SPAG16: variants seen among roughly 807,000 people sequenced by gnomAD.
SPAG16 encodes the protein sperm-associated antigen 16 protein.
A neutral mutation model predicts 80.4 loss-of-function variants in SPAG16; 86 were observed. The observed-to-expected ratio is 1.07, with a 90% confidence interval of 0.90 to 1.28. The LOEUF (loss-of-function observed/expected upper bound fraction) is 1.28, where lower values mean the gene tolerates loss of function less well. Ranked by LOEUF, SPAG16 falls within the 50% of genes most tolerant of loss-of-function variation. The pLI, the probability that SPAG16 is intolerant of heterozygous loss-of-function variation, is 0.00. For synonymous variants in SPAG16, 294 were observed against 265.9 expected (o/e 1.11, Z -1.03); for missense variants, 870 against 765.3 (o/e 1.14, Z -1.61).
chr2:214,249,760 A>G (rs1472774488), intron 15 of SPAG16, among the ~76,000 whole-genome samples: 2 of 152,128 alleles, frequency 1.3e-5, no homozygotes, highest in Admixed American at 1.3e-4. Flanking sequence ...AAAGATTTAA[A>G]TTTTTAAAAT....
At chr2:213,441,601 C>T (rs950515377) in intron 9 of SPAG16, among the ~76,000 whole-genome samples, 1 of 152,146 alleles carries the variant, frequency 6.6e-6, no homozygotes, top group Non-Finnish European at 1.5e-5. Flanking sequence ...AATTGAGCTG[C>T]ACACATAGAT....
At chr2:214,114,220 C>T (rs912885240) in intron 14 of SPAG16, among the ~76,000 whole-genome samples, 10 of 152,118 alleles carry the variant, frequency 6.6e-5, no homozygotes, top group Non-Finnish European at 1.0e-4. Flanking sequence ...GAGGGGCACC[C>T]GCCTGTATGA....
intron 15 of SPAG16, among the ~76,000 whole-genome samples, chr2:214,354,594 T>A (rs1281850239): frequency 2.0e-5 from 3 of 152,314 alleles, no homozygotes; most frequent in Admixed American, 2.0e-4. Context: ...TTGAGCAGTA[T>A]GGCCATTTTC....
intron 10 of SPAG16, among the ~76,000 whole-genome samples, chr2:213,623,594 T>A (rs896010041): frequency 6.6e-6 from 1 of 152,182 alleles, no homozygotes; most frequent in South Asian, 2.1e-4. Context: ...TAATGGATGA[T>A]GTGCATTGAT....
At chr2:214,159,445 T>C (rs2056349712) in intron 15 of SPAG16, among the ~76,000 whole-genome samples, 2 of 151,936 alleles carry the variant, frequency 1.3e-5, no homozygotes, top group African/African-American at 4.8e-5. Context: ...GATAATCATC[T>C]TTAGTCTGCC....
intron 10 of SPAG16, among the ~76,000 whole-genome samples, chr2:213,581,210 A>G (rs1456479455): frequency 1.3e-5 from 2 of 151,916 alleles, no homozygotes; most frequent in African/African-American, 4.8e-5. Context: ...AGGTACTGGC[A>G]ACCTTTTATA....
At chr2:214,332,323 A>G (rs1186191164) in intron 15 of SPAG16, among the ~76,000 whole-genome samples, 2 of 152,174 alleles carry the variant, frequency 1.3e-5, no homozygotes, top group Non-Finnish European at 2.9e-5. Context: ...ATTTTTCTGT[A>G]TCAGTGACCC....
chr2:213,340,030 G>T (rs866723724), intron 5 of SPAG16, 133 bp from the exon 6 acceptor site: 2 of 625,984 alleles, frequency 3.2e-6, no homozygotes, highest in Non-Finnish European at 2.8e-6. Context: ...GAGAATCTTC[G>T]ATGAGAATTA....
intron 13 of SPAG16, among the ~76,000 whole-genome samples, chr2:214,094,687 A>G (rs1052047245): frequency 6.6e-6 from 1 of 152,100 alleles, no homozygotes; most frequent in Non-Finnish European, 1.5e-5. Flanking sequence ...TTTTGGAATT[A>G]TTATGGACTA....
chr2:213,656,213 T>C (rs2063216252), intron 10 of SPAG16, among the ~76,000 whole-genome samples: 1 of 152,258 alleles, frequency 6.6e-6, no homozygotes, highest in African/African-American at 2.4e-5. Flanking sequence ...TTTTTGTTTT[T>C]GGGACGGAGT....
chr2:213,979,236 C>T (rs1191424525), intron 12 of SPAG16, among the ~76,000 whole-genome samples: 1 of 151,534 alleles, frequency 6.6e-6, no homozygotes. Flanking sequence ...TTAGTCATGT[C>T]TCTCTTTTTA....
At chr2:214,201,868 C>T (rs2058018777) in intron 15 of SPAG16, among the ~76,000 whole-genome samples, 1 of 151,186 alleles carries the variant, frequency 6.6e-6, no homozygotes, top group Admixed American at 6.6e-5. Context: ...ATTTTTTAGA[C>T]AGGGTCTTGC....
chr2:214,316,056 C>A (rs758631650), intron 15 of SPAG16, among the ~76,000 whole-genome samples: 2 of 151,724 alleles, frequency 1.3e-5, no homozygotes, highest in Non-Finnish European at 2.9e-5. Flanking sequence ...ATTTTTCAGT[C>A]TTCTGTATAA....
chr2:213,845,417 C>G (rs1238777585), intron 10 of SPAG16, among the ~76,000 whole-genome samples: 5 of 151,990 alleles, frequency 3.3e-5, no homozygotes, highest in Non-Finnish European at 7.4e-5. Flanking sequence ...AGGATCGTCT[C>G]GGTATCTTGA....
chr2:213,703,113 G>T (rs1012239748), intron 10 of SPAG16, among the ~76,000 whole-genome samples: 10 of 152,174 alleles, frequency 6.6e-5, no homozygotes, highest in African/African-American at 2.2e-4. Flanking sequence ...TCCCTCTCCT[G>T]TGATAATAGA....
At chr2:213,360,743 G>T (rs2065934794) in intron 7 of SPAG16, among the ~76,000 whole-genome samples, 1 of 152,166 alleles carries the variant, frequency 6.6e-6, no homozygotes, top group Non-Finnish European at 1.5e-5. Flanking sequence ...CAAAGTATGT[G>T]TACAGAGAAA....
intron 15 of SPAG16, among the ~76,000 whole-genome samples, chr2:214,245,247 A>C (rs1174667817): frequency 6.6e-6 from 1 of 152,118 alleles, no homozygotes; most frequent in African/African-American, 2.4e-5. Context: ...TGCTTTTAAT[A>C]TCCACGCTAT....
At chr2:213,369,735 TA>T (rs1276210993) in intron 8 of SPAG16, among the ~76,000 whole-genome samples, 1 of 152,196 alleles carries the variant, frequency 6.6e-6, no homozygotes, top group Non-Finnish European at 1.5e-5. Flanking sequence ...CTTTATTTTT[TA>T]GAGCAGTTTT....
At chr2:213,347,641 G>T (rs1184669847) in intron 6 of SPAG16, among the ~76,000 whole-genome samples, 1 of 152,094 alleles carries the variant, frequency 6.6e-6, no homozygotes, top group East Asian at 1.9e-4. Context: ...ATTTCGTTAT[G>T]TACCCAGTAG....
Sources: gnomAD v4.1 joint callset for allele counts (sites outside exome capture counted in the v4.1 genomes callset) on GRCh38, gnomAD v4.1.1 for gene constraint, MANE v1.5 for transcripts, NCBI Gene and HGNC (gene_info 2026-07-23, HGNC 2026-07-21) for gene names.